Variants in NUBPL observed in about 807,000 individuals in gnomAD.
NUBPL encodes the protein iron-sulfur cluster transfer protein NUBPL.
A neutral mutation model predicts 45.7 loss-of-function variants in NUBPL; 31 were observed. That is an observed-to-expected ratio of 0.68 (90% CI 0.51 to 0.92). The LOEUF (loss-of-function observed/expected upper bound fraction) is 0.92, where lower values mean the gene tolerates loss of function less well. Ranked by LOEUF, NUBPL falls within the 40% of genes least tolerant of loss-of-function variation. The probability of loss-of-function intolerance (pLI) is 0.00; values close to 1 mark genes in which losing one functional copy is unlikely to be tolerated. For missense variants in NUBPL, 401 were observed against 398.7 expected (o/e 1.01, Z -0.05); for synonymous variants, 144 against 140.9 (o/e 1.02, Z -0.15).
intron 6 of NUBPL, among the ~76,000 whole-genome samples, chr14:31,772,279 G>A (rs2039022124): frequency 6.6e-6 from 1 of 152,124 alleles, no homozygotes. Flanking sequence ...AGGTAGAGAA[G>A]ATTTTGATAA....
At chr14:31,834,576 G>C (rs1280503258) in intron 8 of NUBPL, among the ~76,000 whole-genome samples, 2 of 152,124 alleles carry the variant, frequency 1.3e-5, no homozygotes, top group African/African-American at 2.4e-5. Context: ...AGACTGGATA[G>C]CATTCTGCAT....
chr14:31,616,757 T>C (rs933571493), intron 4 of NUBPL, among the ~76,000 whole-genome samples: 3 of 152,182 alleles, frequency 2.0e-5, no homozygotes, highest in African/African-American at 4.8e-5. Flanking sequence ...CTATATGGGC[T>C]CTTTTTTTGT....
At chr14:31,603,850 A>G (rs1595355072) in intron 4 of NUBPL, among the ~76,000 whole-genome samples, 3 of 152,318 alleles carry the variant, frequency 2.0e-5, no homozygotes, top group South Asian at 2.1e-4. Flanking sequence ...TTGCAAATAT[A>G]TGACATGAGC....
chr14:31,574,492 T>A (rs779301227), intron 3 of NUBPL, among the ~76,000 whole-genome samples: 8 of 151,902 alleles, frequency 5.3e-5, no homozygotes, highest in Non-Finnish European at 7.4e-5. Context: ...CTTGAACTCC[T>A]GACCTCAAGA....
intron 1 of NUBPL, chr14:31,561,807 G>A (rs2033289126): frequency 3.4e-6 from 2 of 586,666 alleles, no homozygotes; most frequent in Non-Finnish European, 5.9e-6. Context: ...AGCAAAACAC[G>A]TGGAAGCCTT....
intron 4 of NUBPL, among the ~76,000 whole-genome samples, chr14:31,653,007 C>A (rs1490606300): frequency 1.3e-5 from 2 of 152,112 alleles, no homozygotes; most frequent in African/African-American, 4.8e-5. Context: ...GCAAAACCAG[C>A]AGGTTTTTAT....
At chr14:31,710,007 T>A (rs2037535194) in intron 6 of NUBPL, among the ~76,000 whole-genome samples, 1 of 152,176 alleles carries the variant, frequency 6.6e-6, no homozygotes, top group Non-Finnish European at 1.5e-5. Flanking sequence ...CTTATTTCAC[T>A]CCATTTGCCT....
chr14:31,780,229 A>G (rs549118536), intron 6 of NUBPL, among the ~76,000 whole-genome samples: 5 of 124,826 alleles, frequency 4.0e-5, no homozygotes, highest in Non-Finnish European at 9.4e-5. Flanking sequence ...TGCCTGGCTA[A>G]TTTTTTGTAT....
chr14:31,661,685 C>T (rs758260887), intron 4 of NUBPL, among the ~76,000 whole-genome samples: 23 of 152,226 alleles, frequency 1.5e-4, no homozygotes, highest in East Asian at 3.9e-4. Flanking sequence ...GGACTATAGG[C>T]GCTCACCACC....
intron 6 of NUBPL, among the ~76,000 whole-genome samples, chr14:31,759,950 A>C (rs12590215): frequency 0.37 from 55,605 of 150,660 alleles, 12,550 homozygotes; most frequent in East Asian, 0.6. Context: ...AGTTGTATTG[A>C]ATGCATTTTG....
chr14:31,841,928 T>TTG (rs2040379877), intron 8 of NUBPL, among the ~76,000 whole-genome samples: 4 of 63,286 alleles, frequency 6.3e-5, no homozygotes, highest in East Asian at 7.4e-4. Context: ...TTTTTTTTTT[T>TTG]TTTTTTTTTT....
chr14:31,808,782 A>G (rs187419274), intron 7 of NUBPL, among the ~76,000 whole-genome samples: 3 of 152,284 alleles, frequency 2.0e-5, no homozygotes, highest in South Asian at 4.1e-4. Flanking sequence ...TTATTTTGAG[A>G]TATTTTCCAT....
chr14:31,721,302 G>A (rs1440132051), intron 6 of NUBPL, among the ~76,000 whole-genome samples: 2 of 152,008 alleles, frequency 1.3e-5, no homozygotes, highest in Non-Finnish European at 2.9e-5. Context: ...TTAACATAAG[G>A]CCAACATTTA....
At position 31,696,850 on chromosome 14, in the gene NUBPL, T is replaced by C. The variant is rs74611531; in HGVS notation, c.513+23276T>C. On this transcript the variant is annotated intron_variant, in intron 6 of 10. Coordinates refer to ENST00000281081, the MANE Select transcript of NUBPL (RefSeq NM_025152.3). ...ACAAACATAAAAGTTTAACAACAGA[T>C]TTCATTTCTGATTTTTCTGGCTTCT... is the stretch of plus-strand genomic sequence containing the variant. 7.5e-3 allele frequency among the ~76,000 whole-genome samples: 1,147 copies of C among 152,288 alleles called. 21 individuals carry two copies. The highest frequency in any genetic ancestry group is 0.026 in the African/African-American group (1,074 of 41,560).
At chr14:31,742,751 G>A (rs1229695235) in intron 6 of NUBPL, among the ~76,000 whole-genome samples, 1 of 150,384 alleles carries the variant, frequency 6.6e-6, no homozygotes, top group Non-Finnish European at 1.5e-5. Flanking sequence ...TTACAGGTGT[G>A]TGCCACCAAC....
chr14:31,616,664 G>A (rs2034909954), intron 4 of NUBPL, among the ~76,000 whole-genome samples: 1 of 152,094 alleles, frequency 6.6e-6, no homozygotes, highest in African/African-American at 2.4e-5. Flanking sequence ...AAGCTGTTTT[G>A]GTAACTGTAG....
chr14:31,673,251 TG>T, intron 4 of NUBPL, 103 bp from the exon 5 acceptor site: 1 of 893,534 alleles, frequency 1.1e-6, no homozygotes, highest in Non-Finnish European at 1.7e-6. Flanking sequence ...ATGCAATTTT[TG>T]TTAATTAAAA....
chr14:31,689,931 TG>T (rs2037054369), intron 6 of NUBPL, among the ~76,000 whole-genome samples: 2 of 6,072 alleles, frequency 3.3e-4, no homozygotes, highest in South Asian at 0.014. Flanking sequence ...CTTTCCCCAT[TG>T]TTTTTTTTTT....
chr14:31,807,970 C>A (rs1358459647), intron 7 of NUBPL, among the ~76,000 whole-genome samples: 5 of 152,130 alleles, frequency 3.3e-5, no homozygotes, highest in African/African-American at 1.2e-4. Flanking sequence ...CTGTTCTGTT[C>A]CATTGATCTA....
Sources: allele counts gnomAD v4.1 joint callset (sites outside exome capture counted in the v4.1 genomes callset), GRCh38; gene constraint gnomAD v4.1.1; transcripts MANE v1.5; gene names NCBI Gene and HGNC (gene_info 2026-07-23, HGNC 2026-07-21).